The following RIN2 variants were observed in gnomAD, a reference collection of about 807,000 sequenced individuals.
The protein encoded by RIN2 is Ras and Rab interactor 2.
A neutral mutation model predicts 78.0 loss-of-function variants in RIN2; 36 were observed. The observed-to-expected ratio is 0.46, with a 90% CI of 0.35 to 0.61. The LOEUF is 0.61. RIN2 is among the 20% of genes least tolerant of loss of function. RIN2 has a pLI of 0.00. For synonymous variants in RIN2, 466 were observed against 466.8 expected, an observed-to-expected ratio of 1.00 and a Z score of 0.02; for missense variants, 1,087 against 1,159.7, an observed-to-expected ratio of 0.94 and a Z score of 0.91.
chr20:19,875,149 C>A (rs1407670591), intron 2 of RIN2, among the ~76,000 whole-genome samples: 1 of 151,782 alleles, frequency 6.6e-6, no homozygotes, highest in Non-Finnish European at 1.5e-5. Context: ...GCATGAGCCA[C>A]CGCACCCAGC....
chr20:19,821,404 C>T (rs1318226452), intron 2 of RIN2, among the ~76,000 whole-genome samples: 1 of 152,072 alleles, frequency 6.6e-6, no homozygotes, highest in Non-Finnish European at 1.5e-5. Flanking sequence ...CACATGTGTA[C>T]AATCATTCCC....
chr20:19,794,557 GAT>G (rs1352531972), intron 1 of RIN2, among the ~76,000 whole-genome samples: 2 of 115,912 alleles, frequency 1.7e-5, no homozygotes, highest in African/African-American at 3.1e-5. Context: ...AAAAAAAAAA[GAT>G]ACAGTGATAC....
chr20:19,963,810 A>G (rs2146271535), intron 6 of RIN2, among the ~76,000 whole-genome samples: 1 of 149,456 alleles, frequency 6.7e-6, no homozygotes, highest in Non-Finnish European at 1.5e-5. Context: ...CTGCTCCAGC[A>G]TTTGGAAGAT....
chr20:19,898,803 T>C (rs556947874), intron 3 of RIN2, among the ~76,000 whole-genome samples: 2 of 152,328 alleles, frequency 1.3e-5, no homozygotes, highest in Admixed American at 6.5e-5. Context: ...AGCATGGCAA[T>C]GAAAGGACAA....
At chr20:19,876,769 G>A (rs2037867750) in intron 2 of RIN2, among the ~76,000 whole-genome samples, 1 of 152,048 alleles carries the variant, frequency 6.6e-6, no homozygotes, top group African/African-American at 2.4e-5. Context: ...TCTGGGTGTG[G>A]TGGCGGGTGC....
intron 1 of RIN2, among the ~76,000 whole-genome samples, chr20:19,772,708 G>A (rs996327407): frequency 2.6e-5 from 4 of 152,202 alleles, no homozygotes; most frequent in African/African-American, 7.2e-5. Context: ...ACCCTGACCA[G>A]CCTGTGAGAT....
At chr20:19,763,078 T>C (rs1380739991) in intron 1 of RIN2, among the ~76,000 whole-genome samples, 1 of 152,172 alleles carries the variant, frequency 6.6e-6, no homozygotes, top group Non-Finnish European at 1.5e-5. Context: ...AATGTGATTT[T>C]TAACCTGTTG....
At chr20:19,785,984 G>T (rs138563816) in intron 1 of RIN2, among the ~76,000 whole-genome samples, 4 of 152,088 alleles carry the variant, frequency 2.6e-5, no homozygotes, top group Non-Finnish European at 5.9e-5. Flanking sequence ...GAAATGCTTC[G>T]CCTTGGTTTA....
intron 2 of RIN2, among the ~76,000 whole-genome samples, chr20:19,806,666 G>A (rs768187783): frequency 2.0e-5 from 3 of 152,208 alleles, no homozygotes; most frequent in Non-Finnish European, 4.4e-5. Flanking sequence ...GGAGGCTGAG[G>A]TGGGATGATT....
chr20:19,823,715 C>T (rs1458600481), intron 2 of RIN2: 27 of 1,588,288 alleles, frequency 1.7e-5, no homozygotes, highest in Non-Finnish European at 2.1e-5. Flanking sequence ...ATGGCAGAGG[C>T]AGAAGGCACC....
intron 3 of RIN2, chr20:19,934,538 C>G: frequency 3.0e-6 from 3 of 985,154 alleles, no homozygotes; most frequent in Non-Finnish European, 3.6e-6. Context: ...AGTCCTTTCT[C>G]TTCCCTTTCC....
At chr20:19,995,279 C>A (rs169205) in intron 11 of RIN2, among the ~76,000 whole-genome samples, 35,929 of 136,296 alleles carry the variant, frequency 0.26, 6,996 homozygotes, top group African/African-American at 0.56. Flanking sequence ...AAAAAAAAAA[C>A]AAAACACATT....
intron 2 of RIN2, among the ~76,000 whole-genome samples, chr20:19,811,739 A>G (rs965927597): frequency 1.3e-5 from 2 of 151,908 alleles, no homozygotes; most frequent in African/African-American, 2.4e-5. Flanking sequence ...CATTATAACC[A>G]CTAAAAAATG....
chr20:19,842,151 C>G (rs1408400226), intron 2 of RIN2, among the ~76,000 whole-genome samples: 1 of 152,174 alleles, frequency 6.6e-6, no homozygotes, highest in Non-Finnish European at 1.5e-5. Flanking sequence ...TCTGCCTGTG[C>G]TCTACAATTG....
intron 2 of RIN2, among the ~76,000 whole-genome samples, chr20:19,874,582 C>T (rs538515232): frequency 4.6e-5 from 7 of 152,156 alleles, no homozygotes; most frequent in Non-Finnish European, 8.8e-5. Context: ...CCTTCTCTTC[C>T]CTGACTCCCT....
intron 1 of RIN2, among the ~76,000 whole-genome samples, chr20:19,796,533 T>C (rs2035059875): frequency 6.6e-6 from 1 of 152,216 alleles, no homozygotes; most frequent in Non-Finnish European, 1.5e-5. Context: ...TGTTTCTGTT[T>C]TGTATGCATA....
At chr20:19,981,845 G>C (rs1382470014) in intron 9 of RIN2, among the ~76,000 whole-genome samples, 1 of 152,196 alleles carries the variant, frequency 6.6e-6, no homozygotes, top group Non-Finnish European at 1.5e-5. Context: ...AACCAACCCA[G>C]GTTACAGGAC....
chr20:19,910,528 G>A (rs112204322), intron 3 of RIN2, among the ~76,000 whole-genome samples: 1 of 142,408 alleles, frequency 7.0e-6, no homozygotes, highest in African/African-American at 2.6e-5. Context: ...TCATTCTTGT[G>A]TATATTGTTT....
At chr20:19,988,680 A>C (rs1980504) in intron 9 of RIN2, among the ~76,000 whole-genome samples, 61,991 of 152,078 alleles carry the variant, frequency 0.41, 15,444 homozygotes, top group East Asian at 0.72. Context: ...CTCCACTGGG[A>C]AACCATTCAA....
Sources: allele counts gnomAD v4.1 joint callset (sites outside exome capture counted in the v4.1 genomes callset), GRCh38; gene constraint gnomAD v4.1.1; transcripts MANE v1.5; gene names NCBI Gene and HGNC (gene_info 2026-07-23, HGNC 2026-07-21).